Variants in ALOX5AP observed in about 807,000 individuals in gnomAD.
ALOX5AP encodes the protein arachidonate 5-lipoxygenase activating protein.
A neutral mutation model predicts 18.5 loss-of-function variants in ALOX5AP; 9 were observed. That is an observed-to-expected ratio of 0.49 (90% CI 0.29 to 0.85). The LOEUF (loss-of-function observed/expected upper bound fraction) is 0.85, where lower values mean the gene tolerates loss of function less well. ALOX5AP is among the 40% of genes least tolerant of loss of function. The pLI, the probability that ALOX5AP is intolerant of heterozygous loss-of-function variation, is 0.08. For synonymous variants in ALOX5AP, 81 were observed against 78.6 expected (o/e 1.03, Z -0.16); for missense variants, 172 against 202.5 (o/e 0.85, Z 0.91).
At chr13:30,734,673 G>A (rs79089754), upstream of ALOX5AP, among the ~76,000 whole-genome samples, 610 of 152,318 alleles carry the variant, frequency 4.0e-3, 7 homozygotes, top group African/African-American at 0.014. Context: ...GTGTTTCTGC[G>A]ATTGCCTCAG....
At chr13:30,738,425 A>G (rs1951737264) in intron 1 of ALOX5AP, among the ~76,000 whole-genome samples, 2 of 152,252 alleles carry the variant, frequency 1.3e-5, no homozygotes, top group African/African-American at 4.8e-5. Context: ...AAATGGGCTC[A>G]TTGGCCAATA....
chr13:30,752,188 A>T (rs1460685809), intron 3 of ALOX5AP, 66 bp downstream of exon 3: 8 of 1,542,088 alleles, frequency 5.2e-6, no homozygotes, highest in African/African-American at 2.7e-5. Context: ...TTCAAAGGGC[A>T]GGCTTTTTGT....
chr13:30,752,522 G>A (rs1450616889), intron 3 of ALOX5AP, among the ~76,000 whole-genome samples: 1 of 152,194 alleles, frequency 6.6e-6, no homozygotes, highest in Non-Finnish European at 1.5e-5. Flanking sequence ...CCTCCTTCAG[G>A]CATGTTTCCA....
intron 2 of ALOX5AP, among the ~76,000 whole-genome samples, chr13:30,748,255 T>G (rs1340605811): frequency 3.3e-5 from 5 of 152,174 alleles, no homozygotes; most frequent in Non-Finnish European, 7.3e-5. Flanking sequence ...CTTGTAAAAT[T>G]ATTTAAAGGT....
intron 1 of ALOX5AP, among the ~76,000 whole-genome samples, chr13:30,743,144 C>T (rs1951781118): frequency 6.6e-6 from 1 of 151,944 alleles, no homozygotes; most frequent in African/African-American, 2.4e-5. Context: ...CCCTGCTAGG[C>T]CCCAGGGGCA....
chr13:30,714,903 C>T (rs1951537926), intron 1 of ALOX5AP, among the ~76,000 whole-genome samples: 2 of 152,170 alleles, frequency 1.3e-5, no homozygotes, highest in African/African-American at 2.4e-5. Context: ...TATCATATTA[C>T]CCACTGTACT....
chr13:30,744,638 A>C (rs1951794666), intron 2 of ALOX5AP, among the ~76,000 whole-genome samples: 1 of 152,208 alleles, frequency 6.6e-6, no homozygotes, highest in African/African-American at 2.4e-5. Context: ...CTCCTTGAGC[A>C]ACTAGAACAA....
chr13:30,743,356 C>T (rs1951783010), intron 1 of ALOX5AP, among the ~76,000 whole-genome samples: 2 of 152,138 alleles, frequency 1.3e-5, no homozygotes, highest in Non-Finnish European at 2.9e-5. Flanking sequence ...CTCACCAGAG[C>T]ATCAGTTCCT....
intron 1 of ALOX5AP, among the ~76,000 whole-genome samples, chr13:30,738,729 G>A (rs1951739469): frequency 2.0e-5 from 3 of 152,204 alleles, no homozygotes; most frequent in Admixed American, 2.0e-4. Flanking sequence ...CTTAGTGATG[G>A]CAGAGGAAGG....
chr13:30,759,547 G>C (rs1951924102), intron 4 of ALOX5AP, among the ~76,000 whole-genome samples: 1 of 152,180 alleles, frequency 6.6e-6, no homozygotes, highest in African/African-American at 2.4e-5. Context: ...GTGTCTCCTA[G>C]AGCCAGGGGC....
At chr13:30,756,260 C>T (rs1175205972) in intron 4 of ALOX5AP, among the ~76,000 whole-genome samples, 1 of 152,182 alleles carries the variant, frequency 6.6e-6, no homozygotes, top group East Asian at 1.9e-4. Context: ...CCGCATGGTG[C>T]TGGCTTTCAA....
intron 2 of ALOX5AP, 169 bp downstream of exon 2, chr13:30,744,328 A>G: frequency 1.7e-6 from 1 of 591,968 alleles, no homozygotes; most frequent in Admixed American, 2.7e-5. Flanking sequence ...GACACCCTTT[A>G]TCATCTTAGT....
intron 4 of ALOX5AP, among the ~76,000 whole-genome samples, chr13:30,758,741 G>T (rs1053020323): frequency 6.6e-6 from 1 of 152,030 alleles, no homozygotes; most frequent in Non-Finnish European, 1.5e-5. Context: ...GATGAATCTT[G>T]GTTTCGTTTC....
chr13:30,714,222 A>G (rs1259976466), intron 1 of ALOX5AP, among the ~76,000 whole-genome samples: 1 of 143,910 alleles, frequency 6.9e-6, no homozygotes, highest in East Asian at 2.1e-4. Flanking sequence ...AAAAAAAAAA[A>G]AAAGGCCTGA....
intron 2 of ALOX5AP, among the ~76,000 whole-genome samples, chr13:30,745,383 C>T (rs1951801308): frequency 6.6e-6 from 1 of 152,150 alleles, no homozygotes; most frequent in Non-Finnish European, 1.5e-5. Context: ...TTGCCTGGCC[C>T]CTTGCCCTCT....
At chr13:30,760,908 T>TAA (rs574118434) in intron 4 of ALOX5AP, among the ~76,000 whole-genome samples, 1 of 148,718 alleles carries the variant, frequency 6.7e-6, no homozygotes, top group Admixed American at 6.7e-5. Context: ...GTGGTTGGTA[T>TAA]AAAAAAAAAA....
intron 1 of ALOX5AP, among the ~76,000 whole-genome samples, chr13:30,724,487 A>G (rs1951621770): frequency 6.6e-6 from 1 of 152,292 alleles, no homozygotes; most frequent in South Asian, 2.1e-4. Context: ...CAACTCTGCC[A>G]CTTAGGCCTT....
chr13:30,760,919 T>A (rs75091854), intron 4 of ALOX5AP, among the ~76,000 whole-genome samples: 1 of 151,962 alleles, frequency 6.6e-6, no homozygotes, highest in Non-Finnish European at 1.5e-5. Flanking sequence ...AAAAAAAAAA[T>A]AGAAACATGA....
chr13:30,763,328 C>T (rs1169483554), intron 4 of ALOX5AP, among the ~76,000 whole-genome samples: 4 of 152,118 alleles, frequency 2.6e-5, no homozygotes, highest in African/African-American at 9.7e-5. Flanking sequence ...AAACAAACAA[C>T]AACAATAACA....
Sources: gnomAD v4.1 joint callset for allele counts (sites outside exome capture counted in the v4.1 genomes callset) on GRCh38, gnomAD v4.1.1 for gene constraint, MANE v1.5 for transcripts, NCBI Gene and HGNC (gene_info 2026-07-23, HGNC 2026-07-21) for gene names.